Variants in EIF2AK2 observed in about 807,000 individuals in gnomAD.
EIF2AK2 encodes interferon-induced, double-stranded RNA-activated protein kinase.
In EIF2AK2, 40 loss-of-function variants were observed where a neutral mutation model predicts 70.5. That is an observed-to-expected ratio of 0.57 (90% CI 0.44 to 0.74). The LOEUF (loss-of-function observed/expected upper bound fraction) is 0.74. Among genes scored for constraint, EIF2AK2 ranks in the 30% least tolerant of loss-of-function variants. The pLI, the probability that EIF2AK2 is intolerant of heterozygous loss-of-function variation, is 0.00. For missense variants in EIF2AK2, 555 were observed against 644.3 expected, an observed-to-expected ratio of 0.86 and a Z score of 1.50; for synonymous variants, 198 against 220.9, an observed-to-expected ratio of 0.90 and a Z score of 0.92.
At position 37,138,452 on chromosome 2, in the gene EIF2AK2, G is replaced by T. The variant is rs2307473; in HGVS notation, c.593+57C>A. The T allele has an allele frequency of 9.1e-4, 1,460 of 1,603,382 alleles. 17 individuals carry two copies. In the African/African-American group the frequency reaches 0.017, roughly 19 times the overall value. ...AAATTCTCCTTAAACATAAAAATCT[G>T]TCTTTCAGACAGAAATATGAATATG... is the stretch of plus-strand genomic sequence containing the variant. On this transcript the variant is annotated intron_variant, in intron 7 of 16. Coordinates refer to ENST00000233057, the MANE Select transcript of EIF2AK2 (RefSeq NM_001135651.3).
At chr2:37,115,438 G>A (rs1184890785) in intron 13 of EIF2AK2, among the ~76,000 whole-genome samples, 1 of 151,910 alleles carries the variant, frequency 6.6e-6, no homozygotes, top group Non-Finnish European at 1.5e-5. Context: ...AAGCTGTCAC[G>A]TGCAAGGTGG....
At position 37,139,666 on chromosome 2, in the gene EIF2AK2, C is replaced by T. The variant is rs760326374; in HGVS notation, c.481G>A (p.Ala161Thr). The change falls in exon 6 of 17, where the codon GCA becomes ACA. Residue 161 changes from alanine to threonine, a missense_variant. Ala to Thr is a moderately conservative substitution (Grantham distance 58). This residue lies in a region of EIF2AK2 where 208 missense variants were observed against 191.8 expected (regional missense o/e 1.08). Coordinates refer to ENST00000233057, the MANE Select transcript of EIF2AK2 (RefSeq NM_001135651.3). ...TCTTCTGATAATATCTGAAGATATG[C>T]AAGTTTAGCGGCCAATTGTTTTGCT... ...QEAKQLAAKL[A>T]YLQILSEETS... 1.9e-6 allele frequency: 3 copies of T among 1,613,962 alleles called. No homozygotes were observed. Among genetic ancestry groups the T allele is most frequent in the Non-Finnish European group, 2.5e-6 (3 of 1,179,962 alleles).
chr2:37,117,734 T>C (rs1308996814), intron 13 of EIF2AK2, among the ~76,000 whole-genome samples: 3 of 152,124 alleles, frequency 2.0e-5, no homozygotes, highest in Non-Finnish European at 4.4e-5. Context: ...GAAGCAGCCT[T>C]GCACAAGAAG....
In EIF2AK2 at chr2:37,099,881, C is replaced by T. The variant is rs878938487; in HGVS notation, c.*7392G>A. On this transcript the variant is annotated 3_prime_UTR_variant, in exon 17 of 17. Transcript: ENST00000233057. ...AGCTGGGATGCACCTTGAAAATATA[C>T]TCAGTGAAAAAGACCACATGTATGA... 3.3e-5 allele frequency: 5 copies of T among 152,210 alleles called. No individual in the cohort carries two copies. The South Asian group carries it at 1.0e-3, about 32-fold the overall frequency. 9.4% of individuals were successfully genotyped at this position (152,210 alleles called of 1,614,324 possible).
chr2:37,143,554 T>A (rs2148707546), intron 4 of EIF2AK2, among the ~76,000 whole-genome samples: 1 of 152,310 alleles, frequency 6.6e-6, no homozygotes, highest in South Asian at 2.1e-4. Context: ...TATGCAGATT[T>A]TTTTTCTTGT....
intron 16 of EIF2AK2, 37 bp downstream of exon 16, chr2:37,107,437 G>A (rs771467231): frequency 6.2e-7 from 1 of 1,609,580 alleles, no homozygotes; most frequent in Non-Finnish European, 8.5e-7. Context: ...ATAAAACATT[G>A]AAATAAATAA....
At chr2:37,113,542 A>G (rs528693360) in intron 14 of EIF2AK2, among the ~76,000 whole-genome samples, 4 of 150,990 alleles carry the variant, frequency 2.6e-5, no homozygotes, top group Middle Eastern at 6.8e-3. Context: ...CACAAATGTC[A>G]TTATAAACAA....
chr2:37,125,105 C>G (rs950715088), intron 11 of EIF2AK2, among the ~76,000 whole-genome samples: 3 of 152,056 alleles, frequency 2.0e-5, no homozygotes, highest in Admixed American at 1.3e-4. Flanking sequence ...CTCCGCCTCC[C>G]GGGTTCAAGC....
Position 37,138,538 on chromosome 2 carries a change from G to A in EIF2AK2, c.564C>T (p.Ser188=). Residue 188 remains serine (S), a synonymous_variant, in exon 7 of 17, where the codon TCC becomes TCT. Coordinates refer to ENST00000233057, the MANE Select transcript of EIF2AK2 (RefSeq NM_001135651.3). ...SSGSFATTCE[S]QSNSLVTSTL... is the part of the protein sequence containing the mutation. ...TGCTGGTCACTAAAGAGTTGCTTTG[G>A]GACTCACACGTAGTAGCAAAAGAAC... 19 of 1,614,014 alleles carry A rather than the reference G, an allele frequency of 1.2e-5. No homozygotes were observed. The highest frequency in any genetic ancestry group is 1.5e-5 in the Non-Finnish European group (18 of 1,179,994).
Position 37,122,677 on chromosome 2 carries a change from A to G in EIF2AK2, c.909-13T>C, listed in dbSNP as rs772233671. 3.7e-6 allele frequency: 6 copies of G among 1,614,144 alleles called. No individual in the cohort carries two copies. Among genetic ancestry groups the G allele is most frequent in the Non-Finnish European group, 5.1e-6 (6 of 1,180,020 alleles). ...ACGCTCCGCCTTCCTAGTTAAAAGG[A>G]ACAGGGAACATGGCAGTGTCAGTGT... On this transcript the variant is annotated splice_polypyrimidine_tract_variant and intron_variant, in intron 11 of 16. Transcript: ENST00000233057.
intron 10 of EIF2AK2, among the ~76,000 whole-genome samples, chr2:37,127,972 C>T (rs1674801829): frequency 1.3e-5 from 2 of 152,076 alleles, no homozygotes; most frequent in Admixed American, 1.3e-4. Flanking sequence ...GAACTCCTGA[C>T]CTCAAGTGAT....
chr2:37,147,486 T>C (rs1349630988), intron 3 of EIF2AK2, among the ~76,000 whole-genome samples: 2 of 112,582 alleles, frequency 1.8e-5, no homozygotes, highest in Non-Finnish European at 3.4e-5. Flanking sequence ...CAACAGTCCC[T>C]GGTGTGTGAT....
Position 37,107,055 on chromosome 2 carries a change from A to AT in EIF2AK2, c.*217_*218insA. 2.7e-5 allele frequency: 14 copies of AT among 512,306 alleles called. No individual in the cohort carries two copies. The highest frequency in any genetic ancestry group is 4.2e-5 in the Admixed American group (1 of 24,082). 31.7% of individuals were successfully genotyped at this position (512,306 alleles called of 1,614,324 possible). A position where few individuals can be genotyped will look rare whatever the true frequency, so the allele number is the denominator to read the frequency against. The stretch of plus-strand genomic sequence containing the variant: ...AGACTCTGTCTTTAAAAAAAAAAAA[A>AT]GAATAAAGAGATGAGCCAGGAAAAA... On this transcript the variant is annotated 3_prime_UTR_variant, in exon 17 of 17. Coordinates refer to ENST00000233057, the MANE Select transcript of EIF2AK2 (RefSeq NM_001135651.3).
At chr2:37,139,941 A>G (rs948364741) in intron 5 of EIF2AK2, among the ~76,000 whole-genome samples, 184 bp from the exon 6 acceptor site, 21 of 152,328 alleles carry the variant, frequency 1.4e-4, no homozygotes, top group African/African-American at 4.8e-4. Context: ...TTCTCTGAAT[A>G]CCCAGGATCA....
chr2:37,126,191 T>C, intron 11 of EIF2AK2, 98 bp downstream of exon 11: 2 of 1,422,276 alleles, frequency 1.4e-6, no homozygotes, highest in South Asian at 1.6e-5. Flanking sequence ...CAGAAAGAAA[T>C]AAATGATACC....
chr2:37,143,292 T>C (rs1219533470), intron 4 of EIF2AK2, among the ~76,000 whole-genome samples: 1 of 152,132 alleles, frequency 6.6e-6, no homozygotes, highest in Non-Finnish European at 1.5e-5. Flanking sequence ...TATTAAGTTG[T>C]TTTAATCTGC....
At chr2:37,147,874 C>G (rs1675610803) in intron 2 of EIF2AK2, 52 bp from the exon 3 acceptor site, 3 of 1,314,070 alleles carry the variant, frequency 2.3e-6, no homozygotes, top group Admixed American at 3.5e-5. Flanking sequence ...CATATTTAAT[C>G]TGAGTTTCCC....
intron 14 of EIF2AK2, among the ~76,000 whole-genome samples, chr2:37,111,488 C>A (rs1383445110): frequency 5.3e-5 from 8 of 151,090 alleles, no homozygotes; most frequent in African/African-American, 7.3e-5. Context: ...CAACCTCCAC[C>A]TCCCGGGTTC....
intron 1 of EIF2AK2, among the ~76,000 whole-genome samples, chr2:37,152,449 C>A (rs566600475): frequency 6.6e-6 from 1 of 152,068 alleles, no homozygotes. Context: ...ACCACCACGC[C>A]CAGCTAATTT....
Sources: gnomAD v4.1 joint callset for allele counts (sites outside exome capture counted in the v4.1 genomes callset) on GRCh38, gnomAD v4.1.1 for gene constraint, gnomAD v4.1.1 regional missense constraint, MANE v1.5 for transcripts, NCBI Gene and HGNC (gene_info 2026-07-23, HGNC 2026-07-21) for gene names.